The following RAB40B variants were observed in gnomAD, a reference collection of about 807,000 sequenced individuals.
RAB40B encodes the protein ras-related protein Rab-40B.
In RAB40B, 21 loss-of-function variants were observed where a neutral mutation model predicts 24.0. The ratio of observed to expected loss-of-function variants is 0.88; its 90% CI spans 0.62 to 1.26. The LOEUF (loss-of-function observed/expected upper bound fraction) is 1.26. Among genes scored for constraint, RAB40B ranks in the 50% most tolerant of loss-of-function variants. RAB40B has a pLI of 0.00. For missense variants in RAB40B, 348 were observed against 390.5 expected, an observed-to-expected ratio of 0.89 and a Z score of 0.92; for synonymous variants, 167 against 169.8, an observed-to-expected ratio of 0.98 and a Z score of 0.13.
intron 2 of RAB40B, chr17:82,661,811 C>T (rs991361263): frequency 6.5e-6 from 4 of 619,890 alleles, no homozygotes; most frequent in Admixed American, 1.3e-4. Flanking sequence ...TGTTTGAGCC[C>T]GGCAGGCGGA....
intron 1 of RAB40B, among the ~76,000 whole-genome samples, chr17:82,673,086 C>T (rs2046357141): frequency 1.3e-5 from 2 of 152,080 alleles, no homozygotes; most frequent in Non-Finnish European, 2.9e-5. Context: ...CGCCTGTAGT[C>T]CCAGATACTT....
chr17:82,695,952 C>T (rs927466120), intron 1 of RAB40B, among the ~76,000 whole-genome samples: 1 of 152,076 alleles, frequency 6.6e-6, no homozygotes, highest in Non-Finnish European at 1.5e-5. Flanking sequence ...TCTCTGCAAC[C>T]TCCGCCTCCC....
rs1443694798 is a variant in RAB40B at position 82,697,115 on chromosome 17, G to A, written c.142+1340C>T. Among the ~76,000 whole-genome samples the A allele has an allele frequency of 2.0e-5, 3 of 152,066 alleles. No individual in the cohort carries two copies. Among genetic ancestry groups the A allele is most frequent in the South Asian group, 2.1e-4 (1 of 4,820 alleles). On this transcript the variant is annotated intron_variant, in intron 1 of 5. Transcript: ENST00000571995. The surrounding 1 kb of genome is among the most constrained non-coding windows in gnomAD (Gnocchi z 4.9). ...TGCTGCAGTTTCAGGAGGCCTCTGG[G>A]TGCTGGTCGTGAGCCCAAGCCCATC...
At chr17:82,674,121 A>C (rs2046369282) in intron 1 of RAB40B, among the ~76,000 whole-genome samples, 1 of 150,526 alleles carries the variant, frequency 6.6e-6, no homozygotes, top group South Asian at 2.1e-4. Context: ...CGGGCGGATC[A>C]CCTGAGGTCA....
rs1033584881 is a variant in RAB40B, at chr17:82,698,475, G to A, written c.122C>T (p.Ser41Phe). ...CTCACCCGCCGGGTGGCCGTACGGG[G>A]ACTCGGCCGCGCCATCCTGCAGGCT... is the stretch of plus-strand genomic sequence containing the variant. ...LASLQDGAAE[S>F]PYGHPAGIDY... Residue 41 changes from serine (S) to phenylalanine (F), a missense_variant, in exon 1 of 6, where the codon TCC becomes TTC. Physicochemically the swap from Ser to Phe is radical, Grantham distance 155. This residue lies in a region of RAB40B where 101 missense variants were observed against 85.5 expected (regional missense o/e 1.18). Transcript: ENST00000571995. 5 of 1,485,236 alleles carry A rather than the reference G, an allele frequency of 3.4e-6. No individual in the cohort carries two copies. In the African/African-American group the frequency reaches 4.4e-5, roughly 13 times the overall value. 92.0% of individuals were successfully genotyped at this position (1,485,236 alleles called of 1,614,324 possible).
intron 4 of RAB40B, 129 bp downstream of exon 4, chr17:82,659,451 A>G (rs1415466344): frequency 1.0e-5 from 8 of 792,620 alleles, no homozygotes; most frequent in African/African-American, 1.7e-5. Context: ...TTCCTGCTGG[A>G]GCGCCATCCG....
At chr17:82,670,387 G>C (rs1196659123) in intron 1 of RAB40B, among the ~76,000 whole-genome samples, 1 of 151,960 alleles carries the variant, frequency 6.6e-6, no homozygotes, top group Non-Finnish European at 1.5e-5. Flanking sequence ...GTTTTACCAT[G>C]TTATCCAGGT....
At chr17:82,698,344 T>C (rs1311744131) in intron 1 of RAB40B, 111 bp downstream of exon 1, 1 of 360,638 alleles carries the variant, frequency 2.8e-6, no homozygotes, top group Middle Eastern at 1.3e-3. Context: ...TCCCGACCCC[T>C]GCCCGGTCTC....
chr17:82,659,365 C>T, intron 4 of RAB40B: 1 of 569,156 alleles, frequency 1.8e-6, no homozygotes, highest in Non-Finnish European at 3.1e-6. Context: ...TTCGTCTGGA[C>T]CAGCTTCCTG....
intron 1 of RAB40B, among the ~76,000 whole-genome samples, chr17:82,676,503 C>G (rs756384225): frequency 6.6e-6 from 1 of 151,566 alleles, no homozygotes; most frequent in Non-Finnish European, 1.5e-5. Context: ...AATTCCGTGG[C>G]GAGTCTCTCG....
chr17:82,694,760 G>C (rs1176550294), intron 1 of RAB40B, among the ~76,000 whole-genome samples: 1 of 151,748 alleles, frequency 6.6e-6, no homozygotes, highest in South Asian at 2.1e-4. Context: ...GCACATGTGA[G>C]CCAGGGGATG....
chr17:82,669,246 G>T (rs542635208), intron 1 of RAB40B, among the ~76,000 whole-genome samples: 1 of 152,048 alleles, frequency 6.6e-6, no homozygotes, highest in African/African-American at 2.4e-5. Context: ...GAGGCCGAGC[G>T]GGGTGGATCA....
intron 1 of RAB40B, among the ~76,000 whole-genome samples, chr17:82,679,903 C>T (rs1343928748): frequency 6.6e-6 from 1 of 152,212 alleles, no homozygotes; most frequent in African/African-American, 2.4e-5. Flanking sequence ...TGAACGCAGT[C>T]GTGGGAGGCT....
At chr17:82,689,565 T>G (rs188043918) in intron 1 of RAB40B, among the ~76,000 whole-genome samples, 83 of 152,300 alleles carry the variant, frequency 5.4e-4, no homozygotes, top group African/African-American at 1.9e-3. Flanking sequence ...AATTGAGGGC[T>G]TCTAATGGCA....
chr17:82,682,552 C>G (rs553530870), intron 1 of RAB40B, among the ~76,000 whole-genome samples: 1 of 152,252 alleles, frequency 6.6e-6, no homozygotes, highest in South Asian at 2.1e-4. Flanking sequence ...TAGAAATCAA[C>G]AAAGCCAACA....
Position 82,697,970 on chromosome 17 carries a change from G to A in RAB40B, c.142+485C>T, listed in dbSNP as rs2046628627. Among the ~76,000 whole-genome samples, 1 of 151,930 alleles carries A rather than the reference G, an allele frequency of 6.6e-6. No homozygotes were observed. Among genetic ancestry groups the A allele is most frequent in the African/African-American group, 2.4e-5 (1 of 41,360 alleles). On this transcript the variant is annotated intron_variant, in intron 1 of 5. Coordinates refer to ENST00000571995, the MANE Select transcript of RAB40B (RefSeq NM_006822.3). The surrounding 1 kb of genome is among the most constrained non-coding windows in gnomAD (Gnocchi z 4.9). ...ACCCACGCGCAGACCCAGCACCTGG[G>A]CGCCTGCTCGCCGCGCTCCGCCCCA...
intron 1 of RAB40B, among the ~76,000 whole-genome samples, chr17:82,696,095 C>T (rs1322315992): frequency 6.6e-6 from 1 of 152,124 alleles, no homozygotes; most frequent in Non-Finnish European, 1.5e-5. Context: ...GTCTCGAACC[C>T]CTGACCTCAG....
intron 1 of RAB40B, among the ~76,000 whole-genome samples, chr17:82,696,135 C>T (rs1278133460): frequency 2.0e-5 from 3 of 152,006 alleles, no homozygotes; most frequent in Non-Finnish European, 2.9e-5. Flanking sequence ...CTCCCAAAGC[C>T]GGGATTACAG....
In RAB40B at chr17:82,657,456, G is replaced by A. The variant is rs532504265; in HGVS notation, c.*407C>T. On this transcript the variant is annotated 3_prime_UTR_variant, in exon 6 of 6. Transcript: ENST00000571995. ...GGAGGTTTACAAAAAGACCCCTCTC[G>A]TAATATCAGTGACTCTAAATTATCC... 3.4e-4 allele frequency: 114 copies of A among 338,992 alleles called. No homozygotes were observed. Among genetic ancestry groups the A allele is most frequent in the South Asian group, 2.3e-3 (97 of 42,068 alleles). The allele number at this position is 338,992 out of a possible 1,614,324, so 21.0% of individuals were successfully genotyped here.
Sources: gnomAD v4.1 joint callset for allele counts (sites outside exome capture counted in the v4.1 genomes callset) on GRCh38, gnomAD v4.1.1 for gene constraint, gnomAD v4.1.1 regional missense constraint, Gnocchi (gnomAD v3.1) non-coding constraint, MANE v1.5 for transcripts, NCBI Gene and HGNC (gene_info 2026-07-23, HGNC 2026-07-21) for gene names.